The following NPAS3 variants were observed in gnomAD, a reference collection of about 807,000 sequenced individuals.
The protein encoded by NPAS3 is neuronal PAS domain-containing protein 3.
NPAS3 carries 14 observed loss-of-function variants against 73.1 expected under a neutral mutation model. The observed-to-expected ratio is 0.19, with a 90% CI of 0.13 to 0.30. The LOEUF (loss-of-function observed/expected upper bound fraction) is 0.30, where lower values mean the gene tolerates loss of function less well. Ranked by LOEUF, NPAS3 falls within the 10% of genes least tolerant of loss-of-function variation. The probability of loss-of-function intolerance (pLI) is 1.00; values close to 1 mark genes in which losing one functional copy is unlikely to be tolerated. For missense variants in NPAS3, 1,096 were observed against 1,250.0 expected, an observed-to-expected ratio of 0.88 and a Z score of 1.86; for synonymous variants, 620 against 541.5, an observed-to-expected ratio of 1.14 and a Z score of -2.01.
At chr14:33,225,366 A>G (rs1301703349) in intron 3 of NPAS3, among the ~76,000 whole-genome samples, 2 of 152,180 alleles carry the variant, frequency 1.3e-5, no homozygotes, top group Non-Finnish European at 2.9e-5. Flanking sequence ...CTAGTATTAC[A>G]TTTTCTATTC....
chr14:33,313,801 T>C (rs1037308448), intron 3 of NPAS3, among the ~76,000 whole-genome samples: 4 of 152,126 alleles, frequency 2.6e-5, no homozygotes, highest in Non-Finnish European at 4.4e-5. Flanking sequence ...ATGTTCACTT[T>C]GGGATTTCGA....
chr14:33,785,633 T>G (rs2063147895), intron 9 of NPAS3, among the ~76,000 whole-genome samples: 1 of 152,146 alleles, frequency 6.6e-6, no homozygotes, highest in East Asian at 1.9e-4. Flanking sequence ...TTTTTTTAAC[T>G]TAAATGAGTG....
chr14:33,588,243 A>G (rs2056937174), intron 5 of NPAS3, among the ~76,000 whole-genome samples: 1 of 152,186 alleles, frequency 6.6e-6, no homozygotes, highest in Admixed American at 6.5e-5. Context: ...TTTGCCACTG[A>G]TGTAGCCTGT....
chr14:33,688,853 G>A (rs946234374), intron 6 of NPAS3, among the ~76,000 whole-genome samples: 6 of 152,198 alleles, frequency 3.9e-5, no homozygotes, highest in African/African-American at 1.4e-4. Context: ...AGATTTTGGT[G>A]CAAAGATATG....
At chr14:33,771,408 CTT>C (rs2062647741) in intron 7 of NPAS3, among the ~76,000 whole-genome samples, 1 of 152,084 alleles carries the variant, frequency 6.6e-6, no homozygotes, top group African/African-American at 2.4e-5. Context: ...TGGTAATTTT[CTT>C]TGTTTTCTTT....
chr14:33,722,161 C>T (rs1274557471), intron 6 of NPAS3, among the ~76,000 whole-genome samples: 2 of 152,146 alleles, frequency 1.3e-5, no homozygotes, highest in African/African-American at 2.4e-5. Flanking sequence ...AACATAACAT[C>T]GAAGTGTTCA....
chr14:32,993,825 G>A (rs150844035), intron 1 of NPAS3, among the ~76,000 whole-genome samples: 1 of 152,256 alleles, frequency 6.6e-6, no homozygotes, highest in East Asian at 1.9e-4. Context: ...TTAAAAGACC[G>A]ATATATCTTC....
chr14:33,048,685 C>G (rs187916078), intron 1 of NPAS3, among the ~76,000 whole-genome samples: 2 of 152,212 alleles, frequency 1.3e-5, no homozygotes, highest in Non-Finnish European at 2.9e-5. Context: ...TCATCAACCA[C>G]TTCCCAGAAC....
At chr14:33,370,608 C>G (rs1337171464) in intron 4 of NPAS3, among the ~76,000 whole-genome samples, 1 of 152,060 alleles carries the variant, frequency 6.6e-6, no homozygotes, top group Non-Finnish European at 1.5e-5. Context: ...CTGGAGTTAT[C>G]ATCAAAATAC....
intron 2 of NPAS3, among the ~76,000 whole-genome samples, chr14:33,104,957 G>A (rs112266759): frequency 2.9e-4 from 44 of 152,272 alleles, no homozygotes; most frequent in African/African-American, 9.1e-4. Context: ...TGGGGGTTGC[G>A]TTTGTTGCTG....
intron 1 of NPAS3, among the ~76,000 whole-genome samples, chr14:33,054,566 G>A (rs2040816220): frequency 6.6e-6 from 1 of 150,896 alleles, no homozygotes; most frequent in Admixed American, 6.6e-5. Context: ...GAAATATTAA[G>A]TAAACTTAAA....
chr14:33,055,897 C>T lies in NPAS3; in HGVS notation c.51-8C>T, dbSNP rs762900592. ...AGTCATGTCTATCTGTTTTTGATGCCTCTACAGAATAACTGCCCAGCATCC... is the reference window on the plus strand; with the variant it reads ...AGTCATGTCTATCTGTTTTTGATGCTTCTACAGAATAACTGCCCAGCATCC... On this transcript the variant is annotated splice_region_variant and splice_polypyrimidine_tract_variant and intron_variant, in intron 1 of 11. Coordinates refer to ENST00000356141, the Ensembl canonical transcript of NPAS3. 6.2e-6 allele frequency: 5 copies of T among 806,996 alleles called. No individual in the cohort carries two copies. The South Asian group carries it at 7.2e-5, about 12-fold the overall frequency. 50.0% of individuals were successfully genotyped at this position (806,996 alleles called of 1,614,324 possible).
At chr14:33,198,170 A>G (rs2046452367) in intron 2 of NPAS3, among the ~76,000 whole-genome samples, 1 of 152,208 alleles carries the variant, frequency 6.6e-6, no homozygotes, top group Non-Finnish European at 1.5e-5. Flanking sequence ...TCATAAAGTC[A>G]GTGCGGACCC....
intron 2 of NPAS3, among the ~76,000 whole-genome samples, chr14:33,102,564 C>T (rs1229499532): frequency 1.3e-5 from 2 of 152,094 alleles, no homozygotes; most frequent in Non-Finnish European, 2.9e-5. Flanking sequence ...TAAATGTTAA[C>T]TGTTTGTATT....
intron 2 of NPAS3, among the ~76,000 whole-genome samples, chr14:33,095,113 A>G (rs1417136629): frequency 1.3e-5 from 2 of 152,250 alleles, no homozygotes; most frequent in Non-Finnish European, 2.9e-5. Context: ...TCAAAGTGAC[A>G]TTTAAAAATA....
chr14:33,364,477 A>G (rs918282275), intron 3 of NPAS3, among the ~76,000 whole-genome samples: 2 of 152,208 alleles, frequency 1.3e-5, no homozygotes, highest in African/African-American at 4.8e-5. Flanking sequence ...AAAATTAGGA[A>G]CTGTCTTTGC....
intron 4 of NPAS3, among the ~76,000 whole-genome samples, chr14:33,416,263 GAAC>G (rs775874788): frequency 9.2e-5 from 14 of 151,796 alleles, no homozygotes; most frequent in East Asian, 7.7e-4. Flanking sequence ...AGGTATTGAA[GAAC>G]AACAAGAACT....
chr14:33,601,999 G>A (rs770039549), intron 5 of NPAS3, among the ~76,000 whole-genome samples: 8 of 152,218 alleles, frequency 5.3e-5, no homozygotes, highest in Non-Finnish European at 1.0e-4. Flanking sequence ...AAACAAAAGT[G>A]AGTCCTACAA....
chr14:33,777,806 G>A lies in NPAS3; in HGVS notation c.1047-660G>A, dbSNP rs182132247. Among the ~76,000 whole-genome samples the A allele has an allele frequency of 2.4e-3, 359 of 152,214 alleles. 2 individuals carry two copies. The highest frequency in any genetic ancestry group is 8.3e-3 in the African/African-American group (344 of 41,528). ...GAGGCTTTTACACACACGTACTGTC[G>A]AGCACAAGCCTGGAAGAGCTGCTGA... On this transcript the variant is annotated intron_variant, in intron 8 of 11. Coordinates refer to ENST00000356141, the Ensembl canonical transcript of NPAS3.
Sources: allele counts gnomAD v4.1 joint callset (sites outside exome capture counted in the v4.1 genomes callset), GRCh38; gene constraint gnomAD v4.1.1; transcripts MANE v1.5; gene names NCBI Gene and HGNC (gene_info 2026-07-23, HGNC 2026-07-21).